Variants in ATP6V0D2 observed in about 807,000 individuals in gnomAD.
ATP6V0D2 encodes the protein V-type proton ATPase subunit d 2.
Under a neutral mutation model 40.0 loss-of-function variants are expected in ATP6V0D2, and 40 were observed. The ratio of observed to expected loss-of-function variants is 1.00; its 90% confidence interval spans 0.78 to 1.30. The LOEUF (loss-of-function observed/expected upper bound fraction) is 1.30, where lower values mean the gene tolerates loss of function less well. ATP6V0D2 is among the 50% of genes most tolerant of loss of function. ATP6V0D2 has a pLI of 0.00. For synonymous variants in ATP6V0D2, 179 were observed against 156.3 expected, an observed-to-expected ratio of 1.15 and a Z score of -1.08; for missense variants, 470 against 423.1, an observed-to-expected ratio of 1.11 and a Z score of -0.97.
At chr8:86,139,186 C>T (rs1818939652) in intron 2 of ATP6V0D2, among the ~76,000 whole-genome samples, 2 of 149,974 alleles carry the variant, frequency 1.3e-5, no homozygotes. Context: ...CAAGATTGGG[C>T]CACTGCACTC....
chr8:86,108,513 G>A (rs4960955), intron 1 of ATP6V0D2, among the ~76,000 whole-genome samples: 77,735 of 151,986 alleles, frequency 0.51, 20,255 homozygotes, highest in Non-Finnish European at 0.56. Flanking sequence ...AACTGAGTTC[G>A]GAAAATTCAG....
chr8:86,107,475 C>G (rs970139565), intron 1 of ATP6V0D2, among the ~76,000 whole-genome samples: 1 of 152,102 alleles, frequency 6.6e-6, no homozygotes, highest in African/African-American at 2.4e-5. Context: ...TACTTGCCAG[C>G]GTGGAAAACA....
intron 1 of ATP6V0D2, among the ~76,000 whole-genome samples, chr8:86,112,015 G>A (rs933330721): frequency 2.6e-5 from 4 of 152,180 alleles, no homozygotes; most frequent in African/African-American, 9.7e-5. Context: ...GCACATAATA[G>A]ATGCTTAATA....
intron 2 of ATP6V0D2, among the ~76,000 whole-genome samples, chr8:86,122,535 A>T (rs1445268664): frequency 6.6e-6 from 1 of 152,170 alleles, no homozygotes. Context: ...TCCTTGGAAA[A>T]CCAGATCATT....
chr8:86,152,358 A>G (rs551607155), intron 7 of ATP6V0D2, among the ~76,000 whole-genome samples: 2 of 152,270 alleles, frequency 1.3e-5, no homozygotes, highest in Non-Finnish European at 2.9e-5. Flanking sequence ...AGTCTTTGCT[A>G]TTGGGAAAAG....
chr8:86,133,924 T>A (rs1038366943), intron 2 of ATP6V0D2, among the ~76,000 whole-genome samples: 6 of 151,664 alleles, frequency 4.0e-5, no homozygotes, highest in Admixed American at 2.6e-4. Flanking sequence ...TGGCTGAAAA[T>A]TCCCCCCATT....
chr8:86,151,862 A>G (rs1177480448), intron 7 of ATP6V0D2, among the ~76,000 whole-genome samples: 2 of 151,496 alleles, frequency 1.3e-5, no homozygotes, highest in Non-Finnish European at 2.9e-5. Context: ...GAACATTATT[A>G]CAAATGCTAC....
At chr8:86,104,883 A>C (rs1367923168) in intron 1 of ATP6V0D2, among the ~76,000 whole-genome samples, 1 of 151,564 alleles carries the variant, frequency 6.6e-6, no homozygotes, top group Non-Finnish European at 1.5e-5. Context: ...ACACACATCA[A>C]GAGCTTCCAT....
chr8:86,121,617 GAGA>G (rs1400419647), intron 2 of ATP6V0D2, among the ~76,000 whole-genome samples: 3 of 151,396 alleles, frequency 2.0e-5, no homozygotes, highest in South Asian at 2.1e-4. Context: ...GGAGGAGGAG[GAGA>G]AGGAGAAAGA....
At chr8:86,138,803 T>C (rs1818930681) in intron 2 of ATP6V0D2, among the ~76,000 whole-genome samples, 1 of 152,218 alleles carries the variant, frequency 6.6e-6, no homozygotes, top group African/African-American at 2.4e-5. Context: ...TTGTCCATTC[T>C]GATAAACCAA....
chr8:86,104,728 G>T (rs1441544118), intron 1 of ATP6V0D2, among the ~76,000 whole-genome samples: 1 of 151,898 alleles, frequency 6.6e-6, no homozygotes, highest in Non-Finnish European at 1.5e-5. Context: ...ACATATGGGA[G>T]GATGACTGAT....
At chr8:86,136,108 C>A (rs1818892960) in intron 2 of ATP6V0D2, among the ~76,000 whole-genome samples, 1 of 152,160 alleles carries the variant, frequency 6.6e-6, no homozygotes, top group African/African-American at 2.4e-5. Context: ...AGGAACACTG[C>A]AAGAACTGGT....
chr8:86,153,055 A>G lies in ATP6V0D2; in HGVS notation c.*78A>G. 1 of 1,295,346 alleles carries G rather than the reference A, an allele frequency of 7.7e-7. No homozygotes were observed. The highest frequency in any genetic ancestry group is 1.0e-6 in the Non-Finnish European group (1 of 966,344). 80.2% of individuals were successfully genotyped at this position (1,295,346 alleles called of 1,614,324 possible). On this transcript the variant is annotated 3_prime_UTR_variant, in exon 8 of 8. Coordinates refer to ENST00000285393, the MANE Select transcript of ATP6V0D2 (RefSeq NM_152565.1). ...TGAAGAAAATAAAAGAAATTATGTT[A>G]TATTATCTAGACTACACAAAAGTAA...
At chr8:86,137,157 C>T (rs981043510) in intron 2 of ATP6V0D2, among the ~76,000 whole-genome samples, 16 of 152,100 alleles carry the variant, frequency 1.1e-4, no homozygotes, top group Admixed American at 5.2e-4. Flanking sequence ...GCCAGTCTTC[C>T]GCCATCCTCT....
chr8:86,149,077 C>CAAAAAAAAGAAAAAG, intron 5 of ATP6V0D2, among the ~76,000 whole-genome samples: 1 of 35,776 alleles, frequency 2.8e-5, no homozygotes, highest in Non-Finnish European at 5.9e-5. Context: ...AAAAAAAAAC[C>CAAAAAAAAGAAAAAG]AATGAACAAG....
chr8:86,117,797 G>A (rs973627863), intron 2 of ATP6V0D2, among the ~76,000 whole-genome samples: 29 of 152,084 alleles, frequency 1.9e-4, no homozygotes, highest in African/African-American at 6.5e-4. Context: ...TTAGCATCCG[G>A]GTCTGAAACA....
rs1405702238 is a variant in ATP6V0D2 at position 86,153,767 on chromosome 8, T to TGTTTTGTTTC, written c.*800_*809dup. 7.9e-5 allele frequency: 12 copies of TGTTTTGTTTC among 152,174 alleles called. No individual in the cohort carries two copies. Among genetic ancestry groups the TGTTTTGTTTC allele is most frequent in the African/African-American group, 2.9e-4 (12 of 41,386 alleles). 9.4% of individuals were successfully genotyped at this position (152,174 alleles called of 1,614,324 possible). On this transcript the variant is annotated 3_prime_UTR_variant, in exon 8 of 8. Transcript: ENST00000285393. ...GGAAAATGTGTTTTTTGTTTTGTTT[T>TGTTTTGTTTC]GTTTTGTTTCGTTTTGTTTTGAGAC... is the stretch of plus-strand genomic sequence containing the variant.
intron 1 of ATP6V0D2, among the ~76,000 whole-genome samples, chr8:86,107,372 ACT>A (rs1341552294): frequency 3.3e-5 from 5 of 152,040 alleles, no homozygotes; most frequent in East Asian, 1.9e-4. Context: ...GGCTGGGAAA[ACT>A]CTGAAAAACC....
At chr8:86,112,119 T>C (rs897697302) in intron 1 of ATP6V0D2, among the ~76,000 whole-genome samples, 3 of 152,198 alleles carry the variant, frequency 2.0e-5, no homozygotes, top group Admixed American at 2.0e-4. Flanking sequence ...CACTTACATG[T>C]TGGGTTCTGC....
Sources: allele counts gnomAD v4.1 joint callset (sites outside exome capture counted in the v4.1 genomes callset), GRCh38; gene constraint gnomAD v4.1.1; transcripts MANE v1.5; gene names NCBI Gene and HGNC (gene_info 2026-07-23, HGNC 2026-07-21).